Variants in RTL1 observed in about 807,000 individuals in gnomAD.
The protein encoded by RTL1 is retrotransposon-like protein 1.
For synonymous variants in RTL1, 727 were observed against 748.4 expected (o/e 0.97, Z 0.47); for missense variants, 1,681 against 1,767.5 (o/e 0.95, Z 0.88).
Position 100,884,837 on chromosome 14 carries a change from G to A in RTL1, c.-49C>T, listed in dbSNP as rs898418000. The stretch of plus-strand genomic sequence containing the variant: ...TTCTGAAGATTGGTAAGGTTGTGAT[G>A]GCGTCCAGTCAGTAGCTGGGACCGT... On this transcript the variant is annotated 5_prime_UTR_variant, in exon 4 of 4. Coordinates refer to ENST00000649591, the MANE Select transcript of RTL1 (RefSeq NM_001134888.3). 6.7e-7 allele frequency: 1 copy of A among 1,503,094 alleles called. No homozygotes were observed. Among genetic ancestry groups the A allele is most frequent in the Non-Finnish European group, 8.9e-7 (1 of 1,120,352 alleles). 93.1% of individuals were successfully genotyped at this position (1,503,094 alleles called of 1,614,324 possible). A position where few individuals can be genotyped will look rare whatever the true frequency, so the allele number is the denominator to read the frequency against.
chr14:100,881,113 C>T lies in RTL1; in HGVS notation c.3676G>A (p.Gly1226Ser), dbSNP rs764824525. ...TCTCGCAAGACGACATCCTCATCAC[C>T]AACGACGTGCAGCTCCAGGTAGCGG... ...QNRYLELHVV[G>S]DEDVVLREAL... Residue 1226 changes from glycine (G) to serine (S), a missense_variant, in exon 4 of 4, where the codon GGT becomes AGT. Gly to Ser is a moderately conservative substitution (Grantham distance 56). Coordinates refer to ENST00000649591, the MANE Select transcript of RTL1 (RefSeq NM_001134888.3). This position sits in a 1 kb window ranked among gnomAD's most constrained non-coding sequence, Gnocchi z 6.6. 11 of 1,578,098 alleles carry T rather than the reference C, an allele frequency of 7.0e-6. No homozygotes were observed. Among genetic ancestry groups the T allele is most frequent in the Non-Finnish European group, 8.6e-6 (10 of 1,161,100 alleles).
chr14:100,891,781 C>T (rs1470394081), intron 3 of RTL1, among the ~76,000 whole-genome samples: 2 of 152,204 alleles, frequency 1.3e-5, no homozygotes, highest in Non-Finnish European at 2.9e-5. Context: ...TCTGCACCGG[C>T]CTCCTAGCCT....
At chr14:100,889,690 C>T (rs776813985) in intron 3 of RTL1, 3 of 152,236 alleles carry the variant, frequency 2.0e-5, no homozygotes, top group Non-Finnish European at 4.4e-5. Flanking sequence ...GGAGGCAGAC[C>T]CATCTTGCAG....
At chr14:100,896,312 A>G (rs770963168) in intron 2 of RTL1, among the ~76,000 whole-genome samples, 59 of 152,158 alleles carry the variant, frequency 3.9e-4, no homozygotes, top group Admixed American at 3.6e-3. Flanking sequence ...AAGTTCTCGA[A>G]GGCCTCTGTC....
At chr14:100,890,027 A>G (rs531432118) in intron 3 of RTL1, among the ~76,000 whole-genome samples, 1 of 149,024 alleles carries the variant, frequency 6.7e-6, no homozygotes, top group South Asian at 2.1e-4. Context: ...ATCTCATGAC[A>G]GTTTCTTTAA....
chr14:100,901,153 T>C (rs768485625), intron 2 of RTL1, among the ~76,000 whole-genome samples: 4 of 152,210 alleles, frequency 2.6e-5, no homozygotes, highest in Non-Finnish European at 5.9e-5. Flanking sequence ...GCAGTGAGGA[T>C]GGGCTCCATC....
At position 100,882,747 on chromosome 14, in the gene RTL1, C is replaced by T. The variant is rs1327906068; in HGVS notation, c.2042G>A (p.Arg681His). 8 of 1,551,904 alleles carry T rather than the reference C, an allele frequency of 5.2e-6. No homozygotes were observed. The highest frequency in any genetic ancestry group is 2.0e-5 in the Admixed American group (1 of 51,002). Residue 681 changes from arginine (R) to histidine (H), a missense_variant, in exon 4 of 4, where the codon CGC becomes CAC. Coordinates refer to ENST00000649591, the MANE Select transcript of RTL1 (RefSeq NM_001134888.3). The stretch of plus-strand genomic sequence containing the variant: ...CGCTGCTTTCCACACATCTTCGGTG[C>T]GGTGCCCGTTCACGCTTTCCTCCAC... ...TIVEESVNGH[R>H]TEDVWKAAFG...
At chr14:100,895,011 C>G (rs1242008736) in intron 2 of RTL1, 2 of 152,270 alleles carry the variant, frequency 1.3e-5, no homozygotes, top group Non-Finnish European at 2.9e-5. Flanking sequence ...AGAAGACCAG[C>G]CTTCCAGACT....
chr14:100,888,532 C>T (rs1327030942), intron 3 of RTL1, among the ~76,000 whole-genome samples: 1 of 152,172 alleles, frequency 6.6e-6, no homozygotes, highest in Non-Finnish European at 1.5e-5. Context: ...GTCAAATTCA[C>T]ACTTCCTAGG....
At chr14:100,891,521 G>T (rs914193956) in intron 3 of RTL1, among the ~76,000 whole-genome samples, 1 of 152,214 alleles carries the variant, frequency 6.6e-6, no homozygotes, top group Non-Finnish European at 1.5e-5. Context: ...TGAGGTGACA[G>T]GGAGTGCCTG....
chr14:100,892,809 A>T (rs2038799655), intron 3 of RTL1, among the ~76,000 whole-genome samples: 1 of 152,130 alleles, frequency 6.6e-6, no homozygotes, highest in Non-Finnish European at 1.5e-5. Context: ...ATACATTCAA[A>T]TGAGTCTCTG....
intron 3 of RTL1, among the ~76,000 whole-genome samples, chr14:100,888,958 C>G (rs2140043214): frequency 6.6e-6 from 1 of 152,254 alleles, no homozygotes; most frequent in East Asian, 1.9e-4. Flanking sequence ...GTGGCTGTTA[C>G]TTTTACAATT....
At chr14:100,896,259 A>C (rs913981895) in intron 2 of RTL1, among the ~76,000 whole-genome samples, 19 of 151,756 alleles carry the variant, frequency 1.3e-4, no homozygotes, top group African/African-American at 4.4e-4. Context: ...CTTCCGCACA[A>C]AGTCATGGTT....
intron 2 of RTL1, among the ~76,000 whole-genome samples, chr14:100,894,258 C>T (rs556630647): frequency 1.4e-5 from 2 of 144,478 alleles, no homozygotes; most frequent in South Asian, 4.3e-4. Flanking sequence ...TGCAGTGAGC[C>T]GAGATCATGC....
rs1321612759 is a variant in RTL1 at position 100,894,295 on chromosome 14, G to C, written c.-148-790C>G. 2.9e-5 allele frequency among the ~76,000 whole-genome samples: 4 copies of C among 136,980 alleles called. No individual in the cohort carries two copies. In the Admixed American group the frequency reaches 3.0e-4, roughly 10 times the overall value. The allele number at this position is 136,980 out of a possible 152,430, so 89.9% of individuals were successfully genotyped here. A position where few individuals can be genotyped will look rare whatever the true frequency, so the allele number is the denominator to read the frequency against. On this transcript the variant is annotated intron_variant, in intron 2 of 3. Coordinates refer to ENST00000649591, the MANE Select transcript of RTL1 (RefSeq NM_001134888.3). ...ACTGCACTCCAACCTGGGCGACAGA[G>C]TGAAACTCCGTCTCAAAAAAAAAAA... is the stretch of plus-strand genomic sequence containing the variant.
In RTL1 at chr14:100,883,436, G is replaced by A. The variant is rs539590557; in HGVS notation, c.1353C>T (p.Tyr451=). Residue 451 remains tyrosine, a synonymous_variant, in exon 4 of 4, where the codon TAC becomes TAT. Transcript: ENST00000649591. The surrounding 1 kb of genome is among the most constrained non-coding windows in gnomAD (Gnocchi z 5.9). ...GGACCGGCTGTGGGTACGGCTTCTC[G>A]TAGAGCTCGACGTAGTGCTCTTGGG... ...KFAQEHYVEL[Y]EKPYPQPVQS... The A allele has an allele frequency of 5.8e-6, 9 of 1,550,372 alleles. No homozygotes were observed. The highest frequency in any genetic ancestry group is 1.2e-5 in the South Asian group (1 of 84,020).
intron 3 of RTL1, among the ~76,000 whole-genome samples, chr14:100,887,038 T>A (rs555011527): frequency 3.3e-5 from 5 of 152,236 alleles, no homozygotes; most frequent in Non-Finnish European, 7.3e-5. Flanking sequence ...GTTAGCAAGA[T>A]GAATAAAGGT....
Position 100,882,687 on chromosome 14 carries a change from T to G in RTL1, c.2102A>C (p.Gln701Pro). ...AGGGTCTGGGGAGAGCGCAAACGGCTGGTAGCTCTTCATCTCTTCAAGCTC... is the reference window on the plus strand; with the variant it reads ...AGGGTCTGGGGAGAGCGCAAACGGCGGGTAGCTCTTCATCTCTTCAAGCTC... ...GLELEEMKSY[Q>P]PFALSPDPII... Residue 701 changes from glutamine (Q) to proline (P), a missense_variant, in exon 4 of 4, where the codon CAG becomes CCG. Coordinates refer to ENST00000649591, the MANE Select transcript of RTL1 (RefSeq NM_001134888.3). 1.3e-6 allele frequency: 2 copies of G among 1,551,922 alleles called. No homozygotes were observed. The highest frequency in any genetic ancestry group is 1.7e-6 in the Non-Finnish European group (2 of 1,147,056).
At chr14:100,900,819 G>A (rs562126813) in intron 2 of RTL1, among the ~76,000 whole-genome samples, 91 of 152,160 alleles carry the variant, frequency 6.0e-4, no homozygotes, top group African/African-American at 2.0e-3. Context: ...CCCCTCCCCC[G>A]TTTATGTAAA....
Sources: allele counts gnomAD v4.1 joint callset (sites outside exome capture counted in the v4.1 genomes callset), GRCh38; gene constraint gnomAD v4.1.1; non-coding constraint Gnocchi (gnomAD v3.1); transcripts MANE v1.5; gene names NCBI Gene and HGNC (gene_info 2026-07-23, HGNC 2026-07-21).